SH3PXD2A: variants seen among roughly 807,000 people sequenced by gnomAD.
The protein encoded by SH3PXD2A is SH3 and PX domains 2A.
A neutral mutation model predicts 115.2 loss-of-function variants in SH3PXD2A; 32 were observed. The observed-to-expected ratio is 0.28, with a 90% CI of 0.21 to 0.37. SH3PXD2A has a LOEUF of 0.37. Among genes scored for constraint, SH3PXD2A ranks in the 10% least tolerant of loss-of-function variants. The pLI, the probability that SH3PXD2A is intolerant of heterozygous loss-of-function variation, is 1.00. For synonymous variants in SH3PXD2A, 610 were observed against 629.1 expected (o/e 0.97, Z 0.45); for missense variants, 1,328 against 1,498.7 (o/e 0.89, Z 1.88).
chr10:103,797,593 G>A (rs72817668), intron 2 of SH3PXD2A, among the ~76,000 whole-genome samples: 16 of 152,042 alleles, frequency 1.1e-4, no homozygotes, highest in Non-Finnish European at 2.1e-4. Context: ...GCTGGTGTGT[G>A]CCTGAGACTG....
chr10:103,616,060 T>C (rs3781361), intron 11 of SH3PXD2A, among the ~76,000 whole-genome samples: 76,482 of 140,194 alleles, frequency 0.55, 22,489 homozygotes, highest in South Asian at 0.73. Flanking sequence ...GCGGGGGGTG[T>C]GGTGCGTGCC....
At chr10:103,831,110 G>C (rs2039478935) in intron 1 of SH3PXD2A, among the ~76,000 whole-genome samples, 2 of 152,112 alleles carry the variant, frequency 1.3e-5, no homozygotes, top group African/African-American at 4.8e-5. Flanking sequence ...ATTGTTTTGT[G>C]AATAATTTTT....
At chr10:103,715,074 A>C (rs993522500) in intron 5 of SH3PXD2A, among the ~76,000 whole-genome samples, 1 of 152,190 alleles carries the variant, frequency 6.6e-6, no homozygotes, top group Admixed American at 6.5e-5. Context: ...CAGCTCGGCC[A>C]ACCCAATTCC....
At chr10:103,770,617 G>T (rs1375806435) in intron 2 of SH3PXD2A, among the ~76,000 whole-genome samples, 1 of 152,206 alleles carries the variant, frequency 6.6e-6, no homozygotes, top group Non-Finnish European at 1.5e-5. Flanking sequence ...TCAGAGATTT[G>T]CTTTCGTTGA....
intron 1 of SH3PXD2A, among the ~76,000 whole-genome samples, chr10:103,852,772 A>G (rs576197902): frequency 6.6e-6 from 1 of 152,168 alleles, no homozygotes; most frequent in South Asian, 2.1e-4. Flanking sequence ...CAATTATTGG[A>G]TATGCTTATG....
intron 1 of SH3PXD2A, among the ~76,000 whole-genome samples, chr10:103,825,254 A>T (rs56230537): frequency 2.8e-4 from 42 of 151,600 alleles, no homozygotes; most frequent in African/African-American, 9.9e-4. Flanking sequence ...ATGAAAACCA[A>T]ACCTCCTGCT....
intron 6 of SH3PXD2A, among the ~76,000 whole-genome samples, chr10:103,669,022 C>T (rs537982672): frequency 6.6e-6 from 1 of 152,338 alleles, no homozygotes; most frequent in South Asian, 2.1e-4. Context: ...GGCTGGGTCC[C>T]ACGGGGCCTG....
Position 103,801,287 on chromosome 10 carries a change from G to T in SH3PXD2A, c.148C>A (p.Leu50Met). 1 of 1,605,128 alleles carries T rather than the reference G, an allele frequency of 6.2e-7. No homozygotes were observed. Among genetic ancestry groups the T allele is most frequent in the Non-Finnish European group, 8.5e-7 (1 of 1,172,102 alleles). ...CCGAGCTCTGACAAACTCACCTGCA[G>T]GTCAAAGAACTTGCTGTACCTCCGG... ...IYRRYSKFFD[L>M]QMQLLDKFPI... The change falls in exon 2 of 15, where the codon CTG becomes ATG. Residue 50 changes from leucine to methionine, a missense_variant. This residue lies in a region of SH3PXD2A where 110 missense variants were observed against 160.0 expected (regional missense o/e 0.69). Coordinates refer to ENST00000369774, the MANE Select transcript of SH3PXD2A (RefSeq NM_001394015.1).
At chr10:103,709,536 T>C (rs1592312783) in intron 5 of SH3PXD2A, among the ~76,000 whole-genome samples, 3 of 152,332 alleles carry the variant, frequency 2.0e-5, no homozygotes, top group East Asian at 3.9e-4. Flanking sequence ...TCGTGTTTTG[T>C]GGGCGCTAAT....
intron 11 of SH3PXD2A, 27 bp from the exon 12 acceptor site, chr10:103,613,217 C>A: frequency 6.6e-7 from 1 of 1,526,098 alleles, no homozygotes; most frequent in Non-Finnish European, 8.9e-7. Context: ...GATGTGCTAT[C>A]ATTAGAGCAC....
intron 2 of SH3PXD2A, among the ~76,000 whole-genome samples, chr10:103,778,778 C>A (rs1159726987): frequency 3.3e-5 from 5 of 152,224 alleles, no homozygotes; most frequent in African/African-American, 4.8e-5. Flanking sequence ...GCCCATCTAA[C>A]CCTAACTTCC....
At chr10:103,771,769 A>ACT (rs1413995838) in intron 2 of SH3PXD2A, among the ~76,000 whole-genome samples, 4 of 151,306 alleles carry the variant, frequency 2.6e-5, no homozygotes, top group Non-Finnish European at 5.9e-5. Flanking sequence ...ACACACACAC[A>ACT]CACACACACA....
chr10:103,653,209 C>T (rs1011695206), intron 8 of SH3PXD2A, among the ~76,000 whole-genome samples: 3 of 152,254 alleles, frequency 2.0e-5, no homozygotes, highest in Non-Finnish European at 4.4e-5. Context: ...TCTGTCACTT[C>T]TGGATCCCAG....
At chr10:103,750,272 C>T (rs1260553751) in intron 3 of SH3PXD2A, among the ~76,000 whole-genome samples, 1 of 152,128 alleles carries the variant, frequency 6.6e-6, no homozygotes, top group Non-Finnish European at 1.5e-5. Context: ...AGGCTGGTCT[C>T]GAACTCCCAG....
chr10:103,646,983 G>A (rs1247780652), intron 8 of SH3PXD2A, among the ~76,000 whole-genome samples: 2 of 128,520 alleles, frequency 1.6e-5, no homozygotes, highest in Admixed American at 1.6e-4. Context: ...CCTCCATGGG[G>A]TCCTCCAACC....
chr10:103,707,008 G>A (rs1215613031), intron 5 of SH3PXD2A, among the ~76,000 whole-genome samples: 2 of 152,172 alleles, frequency 1.3e-5, no homozygotes, highest in African/African-American at 4.8e-5. Context: ...AGTGGAGCCT[G>A]GATGCTCTTG....
chr10:103,796,986 C>T (rs2039096749), intron 2 of SH3PXD2A, among the ~76,000 whole-genome samples: 1 of 151,610 alleles, frequency 6.6e-6, no homozygotes, highest in Non-Finnish European at 1.5e-5. Flanking sequence ...CCTCAGCCTC[C>T]TGAGTAGCTG....
chr10:103,818,708 G>A (rs1478077679), intron 1 of SH3PXD2A, among the ~76,000 whole-genome samples: 4 of 152,182 alleles, frequency 2.6e-5, no homozygotes, highest in Non-Finnish European at 5.9e-5. Context: ...ATGGCTAGGT[G>A]AAATCGGCTC....
chr10:103,767,937 A>C (rs1308508063), intron 2 of SH3PXD2A, among the ~76,000 whole-genome samples: 1 of 150,258 alleles, frequency 6.7e-6, no homozygotes, highest in Non-Finnish European at 1.5e-5. Flanking sequence ...TTTCTGAGGC[A>C]TAGGCAGGAG....
Sources: allele counts gnomAD v4.1 joint callset (sites outside exome capture counted in the v4.1 genomes callset), GRCh38; gene constraint gnomAD v4.1.1; regional missense constraint gnomAD v4.1.1; transcripts MANE v1.5; gene names NCBI Gene and HGNC (gene_info 2026-07-23, HGNC 2026-07-21).